CSGALNACT1: variants seen among roughly 807,000 people sequenced by gnomAD.
CSGALNACT1 encodes the protein beta4GalNAcT-1.
A neutral mutation model predicts 51.0 loss-of-function variants in CSGALNACT1; 52 were observed. The observed-to-expected ratio is 1.02, with a 90% confidence interval of 0.82 to 1.29. The LOEUF is 1.29. Ranked by LOEUF, CSGALNACT1 falls within the 50% of genes most tolerant of loss-of-function variation. The pLI is 0.00. For synonymous variants in CSGALNACT1, 341 were observed against 254.4 expected, an observed-to-expected ratio of 1.34 and a Z score of -3.24; for missense variants, 935 against 679.2, an observed-to-expected ratio of 1.38 and a Z score of -4.19.
chr8:19,421,436 T>C (rs2057914929), intron 6 of CSGALNACT1, among the ~76,000 whole-genome samples: 1 of 152,200 alleles, frequency 6.6e-6, no homozygotes, highest in South Asian at 2.1e-4. Flanking sequence ...GGTATTGTCT[T>C]CTACCAGATA....
chr8:19,658,924 C>A (rs561294555), intron 1 of CSGALNACT1, among the ~76,000 whole-genome samples: 1 of 152,262 alleles, frequency 6.6e-6, no homozygotes, highest in African/African-American at 2.4e-5. Context: ...GTCTTTGGGG[C>A]ATGATATTCA....
chr8:19,594,426 G>A (rs1252172661), intron 2 of CSGALNACT1, among the ~76,000 whole-genome samples: 1 of 152,162 alleles, frequency 6.6e-6, no homozygotes, highest in Non-Finnish European at 1.5e-5. Flanking sequence ...ATTACAGTGA[G>A]ACGAACAATA....
chr8:19,666,825 G>A (rs1385080698), intron 1 of CSGALNACT1, among the ~76,000 whole-genome samples: 70 of 48,238 alleles, frequency 1.5e-3, no homozygotes, highest in African/African-American at 1.9e-3. Context: ...GAGAGAGAGA[G>A]AGAGAGAGAA....
At chr8:19,716,099 AT>A (rs575678682) in intron 1 of CSGALNACT1, among the ~76,000 whole-genome samples, 2 of 152,144 alleles carry the variant, frequency 1.3e-5, no homozygotes, top group Non-Finnish European at 2.9e-5. Flanking sequence ...AGGAAATGGC[AT>A]TTTCAGTGAT....
In CSGALNACT1 at chr8:19,669,613, T is replaced by C. The variant is rs2059636046; in HGVS notation, c.-544+12860A>G. Among the ~76,000 whole-genome samples, 5 of 152,136 alleles carry C rather than the reference T, an allele frequency of 3.3e-5. No homozygotes were observed. In the South Asian group the frequency reaches 8.3e-4, roughly 25 times the overall value. On this transcript the variant is annotated intron_variant, in intron 1 of 9. Coordinates refer to the CSGALNACT1 transcript ENST00000332246. ...ATTAATAGGTGCCTGCCACCATGCC[T>C]GGCCAGTTTTTTGTTTGTTTGTTTT... is the stretch of plus-strand genomic sequence containing the variant.
intron 1 of CSGALNACT1, among the ~76,000 whole-genome samples, chr8:19,739,672 C>G (rs1006158729): frequency 6.6e-6 from 1 of 152,208 alleles, no homozygotes; most frequent in East Asian, 1.9e-4. Flanking sequence ...TCCTTTCCTT[C>G]TATGCCTGGA....
chr8:19,751,193 C>T lies in CSGALNACT1; in HGVS notation c.-297+6657G>A, dbSNP rs117882421. 1.4e-3 allele frequency among the ~76,000 whole-genome samples: 207 copies of T among 152,248 alleles called. 1 individual carries two copies. The highest frequency in any genetic ancestry group is 8.1e-3 in the East Asian group (42 of 5,176). The stretch of plus-strand genomic sequence containing the variant: ...AAGTCATGAGCTCAGGTCCTGGAGC[C>T]AGGCAGACGTGCACTAAGGCCCAGC... On this transcript the variant is annotated intron_variant, in intron 1 of 1. Coordinates refer to the CSGALNACT1 transcript ENST00000517494.
chr8:19,628,970 A>C (rs1158558164), intron 1 of CSGALNACT1, among the ~76,000 whole-genome samples: 1 of 152,152 alleles, frequency 6.6e-6, no homozygotes, highest in Non-Finnish European at 1.5e-5. Context: ...CATAGGAAAG[A>C]CTGTATTCCA....
At chr8:19,445,102 G>A (rs1468370348) in intron 5 of CSGALNACT1, among the ~76,000 whole-genome samples, 1 of 152,206 alleles carries the variant, frequency 6.6e-6, no homozygotes, top group African/African-American at 2.4e-5. Flanking sequence ...GGCCTAGGAT[G>A]TAACGATATG....
At chr8:19,462,342 A>G (rs1412136762) in intron 4 of CSGALNACT1, among the ~76,000 whole-genome samples, 10 of 115,212 alleles carry the variant, frequency 8.7e-5, no homozygotes, top group African/African-American at 2.6e-4. Flanking sequence ...AGGCAGAGGA[A>G]TGATTTTTTT....
chr8:19,510,103 C>A (rs555627053), intron 3 of CSGALNACT1, among the ~76,000 whole-genome samples: 1 of 152,080 alleles, frequency 6.6e-6, no homozygotes, highest in Non-Finnish European at 1.5e-5. Flanking sequence ...CTTGACACTG[C>A]CATTTTTAAA....
intron 5 of CSGALNACT1, among the ~76,000 whole-genome samples, chr8:19,442,190 A>C (rs1324951048): frequency 1.3e-5 from 2 of 152,144 alleles, no homozygotes; most frequent in Non-Finnish European, 2.9e-5. Context: ...AACTAGAAAT[A>C]CCGTTTGACC....
chr8:19,515,334 C>T (rs556750167), intron 3 of CSGALNACT1, among the ~76,000 whole-genome samples: 3 of 152,176 alleles, frequency 2.0e-5, no homozygotes, highest in Non-Finnish European at 4.4e-5. Flanking sequence ...CAAGATGCTC[C>T]TTGAGTCTTC....
At chr8:19,665,746 T>C (rs560372956) in intron 1 of CSGALNACT1, among the ~76,000 whole-genome samples, 1 of 152,298 alleles carries the variant, frequency 6.6e-6, no homozygotes, top group African/African-American at 2.4e-5. Flanking sequence ...ATTTTCCCCA[T>C]TCCTCTCTCT....
intron 1 of CSGALNACT1, among the ~76,000 whole-genome samples, chr8:19,717,277 T>C (rs1287877072): frequency 1.3e-5 from 2 of 152,254 alleles, no homozygotes; most frequent in African/African-American, 4.8e-5. Context: ...ATTAACCTCG[T>C]GTGACAGAGG....
intron 1 of CSGALNACT1, among the ~76,000 whole-genome samples, chr8:19,722,354 A>T (rs77280904): frequency 2.0e-5 from 3 of 152,192 alleles, no homozygotes; most frequent in Non-Finnish European, 2.9e-5. Context: ...TGATGCCTTT[A>T]GCTAATTAAA....
Position 19,405,931 on chromosome 8 carries a change from T to C in CSGALNACT1, c.1448A>G (p.Asp483Gly), listed in dbSNP as rs146627040. The C allele has an allele frequency of 2.2e-5, 36 of 1,614,004 alleles. No homozygotes were observed. Among genetic ancestry groups the C allele is most frequent in the Non-Finnish European group, 2.9e-5 (34 of 1,180,020 alleles). The change falls in exon 10 of 10, where the codon GAC (aspartate) becomes GGC (glycine). Residue 483 changes from aspartate to glycine, a missense_variant. By Grantham distance (94) the Asp-to-Gly change is moderately conservative. Coordinates refer to ENST00000454498, the Ensembl canonical transcript of CSGALNACT1. ...CTTGTACTGCTCGGGGGTCAGCTCGTCCATGCAGCGCTTCTCATGCCAGAG... is the reference window on the plus strand; with the variant it reads ...CTTGTACTGCTCGGGGGTCAGCTCGCCCATGCAGCGCTTCTCATGCCAGAG...
intron 1 of CSGALNACT1, among the ~76,000 whole-genome samples, chr8:19,651,157 G>A (rs2057767791): frequency 6.6e-6 from 1 of 152,156 alleles, no homozygotes; most frequent in African/African-American, 2.4e-5. Flanking sequence ...ACTAGCCATA[G>A]ATCATGTTCC....
chr8:19,436,562 A>C (rs751010960), intron 6 of CSGALNACT1, among the ~76,000 whole-genome samples: 6 of 152,200 alleles, frequency 3.9e-5, no homozygotes, highest in Admixed American at 6.5e-5. Flanking sequence ...ATCACCTTAA[A>C]AATAATTTAA....
Sources: gnomAD v4.1 joint callset for allele counts (sites outside exome capture counted in the v4.1 genomes callset) on GRCh38, gnomAD v4.1.1 for gene constraint, MANE v1.5 for transcripts, NCBI Gene and HGNC (gene_info 2026-07-23, HGNC 2026-07-21) for gene names.